Variants in PARG observed in about 807,000 individuals in gnomAD.
The protein encoded by PARG is mitochondrial poly(ADP-ribose) glycohydrolase.
PARG carries 35 observed loss-of-function variants against 113.0 expected under a neutral mutation model. The ratio of observed to expected loss-of-function variants is 0.31; its 90% CI spans 0.24 to 0.41. The LOEUF is 0.41. PARG is among the 10% of genes least tolerant of loss of function. The probability of loss-of-function intolerance (pLI) is 1.00; values close to 1 mark genes in which losing one functional copy is unlikely to be tolerated. For synonymous variants in PARG, 330 were observed against 409.9 expected (o/e 0.81, Z 2.36); for missense variants, 797 against 1,169.4 (o/e 0.68, Z 4.64).
Position 49,933,824 on chromosome 10 carries a change from T to C in PARG, c.624A>G (p.Gln208=), listed in dbSNP as rs1170813713. 24 of 1,612,182 alleles carry C rather than the reference T, an allele frequency of 1.5e-5. No homozygotes were observed. The highest frequency in any genetic ancestry group is 5.0e-5 in the Admixed American group (3 of 59,990). Residue 208 remains glutamine, a synonymous_variant, in exon 3 of 18, where the codon CAA becomes CAG. Transcript: ENST00000616448. ...CAAGCTTTACAGTTGTGAGAAACTG[T>C]TGATTGTCTCTATTCTCTTCACTAT... ...DTDSEENRDN[Q]QFLTTVKLAN... is the part of the protein sequence containing the mutation.
chr10:49,933,673 GCAC>G lies in PARG; in HGVS notation c.772_774del (p.Val258del), dbSNP rs1175207737. ...CCAACATCTGACAATGGACTCTCTG[GCAC>G]CACATCTATCTCATCTTGCTGACAA... On this transcript the variant is annotated inframe_deletion, in exon 3 of 18. Transcript: ENST00000616448. The G allele has an allele frequency of 2.0e-4, 327 of 1,610,172 alleles. 1 individual carries two copies. Among genetic ancestry groups the G allele is most frequent in the Middle Eastern group, 6.6e-4 (4 of 6,052 alleles).
intron 3 of PARG, 125 bp downstream of exon 3, chr10:49,933,052 A>T (rs1233487611): frequency 7.1e-6 from 5 of 701,602 alleles, no homozygotes; most frequent in Non-Finnish European, 1.2e-5. Context: ...TAAATTTAGC[A>T]TAAGTAGTTA....
At chr10:49,910,974 C>T (rs1189900604) in intron 7 of PARG, among the ~76,000 whole-genome samples, 1 of 151,890 alleles carries the variant, frequency 6.6e-6, no homozygotes, top group Non-Finnish European at 1.5e-5. Context: ...GAAACAGTGC[C>T]ACAGGTGTTG....
At chr10:49,823,952 T>C (rs1174652607) in intron 16 of PARG, among the ~76,000 whole-genome samples, 1 of 152,220 alleles carries the variant, frequency 6.6e-6, no homozygotes, top group Non-Finnish European at 1.5e-5. Flanking sequence ...TATTGTACCA[T>C]AAGCACGTGT....
intron 13 of PARG, among the ~76,000 whole-genome samples, chr10:49,849,305 C>T (rs2664635): frequency 5.9e-5 from 9 of 152,104 alleles, no homozygotes; most frequent in Admixed American, 4.6e-4. Context: ...CTTGGCAAAA[C>T]GACGCTGAAG....
intron 15 of PARG, among the ~76,000 whole-genome samples, chr10:49,833,757 C>A (rs59410750): frequency 0.011 from 1,614 of 152,280 alleles, 31 homozygotes; most frequent in African/African-American, 0.036. Flanking sequence ...CAGACTGTAA[C>A]AGGCTTAATA....
chr10:49,891,755 G>A (rs1847819433), intron 7 of PARG, among the ~76,000 whole-genome samples: 1 of 149,604 alleles, frequency 6.7e-6, no homozygotes, highest in Non-Finnish European at 1.5e-5. Flanking sequence ...TCAGCCTCCT[G>A]AGTAGATGAG....
chr10:49,922,497 A>T, intron 5 of PARG, 50 bp downstream of exon 5: 1 of 1,610,344 alleles, frequency 6.2e-7, no homozygotes, highest in Non-Finnish European at 8.5e-7. Flanking sequence ...CAAACAAGCA[A>T]GTACCAAACC....
intron 1 of PARG, 137 bp downstream of exon 1, chr10:49,941,372 G>A: frequency 2.5e-6 from 2 of 789,580 alleles, no homozygotes; most frequent in Non-Finnish European, 4.4e-6. Context: ...AGTGGCTTTG[G>A]TAGCTCAGCA....
chr10:49,863,041 G>A (rs1846329935), intron 11 of PARG, among the ~76,000 whole-genome samples: 3 of 151,752 alleles, frequency 2.0e-5, no homozygotes, highest in South Asian at 2.1e-4. Context: ...ATAAAATCAC[G>A]AAATTGCTAG....
rs746443243 is a variant in PARG, at chr10:49,819,409, T to C, written c.2862A>G (p.Pro954=). ...AGGACTCGACAGCATGGTATATGAATGGATAAAGCTTGATGTCTGGTCCAG... is the reference window on the plus strand; with the variant it reads ...AGGACTCGACAGCATGGTATATGAACGGATAAAGCTTGATGTCTGGTCCAG... ...STPGPDIKLY[P]FIYHAVESCA... is the part of the protein sequence containing the mutation. The change falls in exon 18 of 18, where the codon CCA becomes CCG. Residue 954 remains proline, a synonymous_variant. Coordinates refer to ENST00000616448, the MANE Select transcript of PARG (RefSeq NM_003631.5). The C allele has an allele frequency of 1.7e-5, 27 of 1,551,522 alleles. No individual in the cohort carries two copies. In the South Asian group the frequency reaches 2.1e-4, roughly 12 times the overall value.
At chr10:49,938,831 G>T (rs1403777502) in intron 1 of PARG, among the ~76,000 whole-genome samples, 1 of 151,976 alleles carries the variant, frequency 6.6e-6, no homozygotes, top group African/African-American at 2.4e-5. Context: ...CCGCCTACTT[G>T]TCCTAAGATA....
At chr10:49,915,523 T>C (rs1232848669) in intron 7 of PARG, among the ~76,000 whole-genome samples, 1 of 152,036 alleles carries the variant, frequency 6.6e-6, no homozygotes, top group South Asian at 2.1e-4. Flanking sequence ...TTTCTGGAAA[T>C]CACCTAAAGA....
intron 16 of PARG, among the ~76,000 whole-genome samples, chr10:49,830,541 T>C (rs1456546203): frequency 6.6e-6 from 1 of 152,218 alleles, no homozygotes; most frequent in Non-Finnish European, 1.5e-5. Flanking sequence ...GTTTATAACA[T>C]GTAACAGTTA....
chr10:49,832,104 G>C (rs527933613), intron 16 of PARG, among the ~76,000 whole-genome samples: 1 of 152,328 alleles, frequency 6.6e-6, no homozygotes, highest in Non-Finnish European at 1.5e-5. Flanking sequence ...TTCTATAACT[G>C]ATACTTTGAA....
chr10:49,840,844 C>G (rs1845196195), intron 15 of PARG, among the ~76,000 whole-genome samples: 1 of 152,144 alleles, frequency 6.6e-6, no homozygotes, highest in Non-Finnish European at 1.5e-5. Context: ...ATGTAAAAAC[C>G]ACAAGCCTCA....
At chr10:49,935,359 A>G (rs1483300605) in intron 1 of PARG, among the ~76,000 whole-genome samples, 1 of 152,248 alleles carries the variant, frequency 6.6e-6, no homozygotes, top group Non-Finnish European at 1.5e-5. Context: ...GGTATGGCCT[A>G]ATGGATAAGA....
chr10:49,887,660 G>T (rs554300553), intron 7 of PARG, among the ~76,000 whole-genome samples: 1 of 152,250 alleles, frequency 6.6e-6, no homozygotes, highest in South Asian at 2.1e-4. Context: ...TCCATGGTAT[G>T]AATATAATAT....
rs538244005 is a variant in PARG, at chr10:49,913,171, C to T, written c.1737+2746G>A. On this transcript the variant is annotated intron_variant, in intron 7 of 17. Transcript: ENST00000616448. Reference sequence around the variant, plus strand: ...CGTGGGCAATGTTGTCCCTGTGGGTCATGACTTGCTAAAGTTCTAGAATAA... The same window carrying T: ...CGTGGGCAATGTTGTCCCTGTGGGTTATGACTTGCTAAAGTTCTAGAATAA... Among the ~76,000 whole-genome samples, 28 of 152,306 alleles carry T rather than the reference C, an allele frequency of 1.8e-4. No homozygotes were observed. In the South Asian group the frequency reaches 5.4e-3, roughly 29 times the overall value.
Sources: gnomAD v4.1 joint callset for allele counts (sites outside exome capture counted in the v4.1 genomes callset) on GRCh38, gnomAD v4.1.1 for gene constraint, MANE v1.5 for transcripts, NCBI Gene and HGNC (gene_info 2026-07-23, HGNC 2026-07-21) for gene names.